Variants in AFG2A observed in about 807,000 individuals in gnomAD.
The protein encoded by AFG2A is ATPase family gene 2 protein homolog A.
the AFG2A span, among the ~76,000 whole-genome samples, chr4:123,221,012 A>G: frequency 1.3e-5 from 2 of 152,090 alleles, no homozygotes; most frequent in Non-Finnish European, 2.9e-5. Context: ...TCTCTGGGAA[A>G]TTTCTTTAGT....
At chr4:123,287,304 G>A in the AFG2A span, among the ~76,000 whole-genome samples, 4 of 152,082 alleles carry the variant, frequency 2.6e-5, no homozygotes, top group South Asian at 4.2e-4. Flanking sequence ...TTTGTGGAAG[G>A]CTGGCCAAGA....
the AFG2A span, among the ~76,000 whole-genome samples, chr4:123,287,229 G>A: frequency 6.6e-6 from 1 of 152,156 alleles, no homozygotes; most frequent in Admixed American, 6.5e-5. Context: ...ATTCCACTTA[G>A]TTATAATCTT....
the AFG2A span, among the ~76,000 whole-genome samples, chr4:122,963,833 T>G: frequency 1.3e-5 from 2 of 152,162 alleles, no homozygotes; most frequent in Non-Finnish European, 2.9e-5. Context: ...ATATTTAGAG[T>G]TTTTATGCTT....
chr4:123,238,976 G>A, the AFG2A span, among the ~76,000 whole-genome samples: 1 of 152,158 alleles, frequency 6.6e-6, no homozygotes, highest in Non-Finnish European at 1.5e-5. Context: ...AATAAACAGT[G>A]TAGAGAAGAC....
At chr4:123,006,947 T>TTC in the AFG2A span, among the ~76,000 whole-genome samples, 1 of 151,632 alleles carries the variant, frequency 6.6e-6, no homozygotes, top group African/African-American at 2.4e-5. Flanking sequence ...TCTTTTTTTT[T>TTC]CTTTCTTCTC....
chr4:122,982,712 G>T, the AFG2A span, among the ~76,000 whole-genome samples: 1 of 151,852 alleles, frequency 6.6e-6, no homozygotes, highest in Non-Finnish European at 1.5e-5. Flanking sequence ...TTTTTGGTAG[G>T]TTGTATGTTT....
chr4:123,006,658 A>G, the AFG2A span, among the ~76,000 whole-genome samples: 2 of 152,066 alleles, frequency 1.3e-5, no homozygotes, highest in African/African-American at 2.4e-5. Context: ...GTGCCTTTTA[A>G]TATTGTGGAC....
the AFG2A span, among the ~76,000 whole-genome samples, chr4:123,307,655 G>A: frequency 6.6e-6 from 1 of 152,082 alleles, no homozygotes; most frequent in Non-Finnish European, 1.5e-5. Context: ...TCTTTTTTTA[G>A]CAAAGATTCC....
At chr4:123,075,234 A>G in the AFG2A span, among the ~76,000 whole-genome samples, 1 of 152,160 alleles carries the variant, frequency 6.6e-6, no homozygotes, top group Non-Finnish European at 1.5e-5. Context: ...ATGAGCCACC[A>G]CGCCCAGCCT....
chr4:123,127,092 C>A, the AFG2A span, among the ~76,000 whole-genome samples: 1 of 152,018 alleles, frequency 6.6e-6, no homozygotes, highest in Non-Finnish European at 1.5e-5. Context: ...CCTGGCTACT[C>A]AGGAGGTTGA....
chr4:123,267,079 A>T, the AFG2A span, among the ~76,000 whole-genome samples: 1 of 152,086 alleles, frequency 6.6e-6, no homozygotes, highest in African/African-American at 2.4e-5. Flanking sequence ...TCCCCAAATG[A>T]CCATAATTCT....
the AFG2A span, among the ~76,000 whole-genome samples, chr4:123,128,705 C>T: frequency 1.3e-5 from 2 of 151,694 alleles, no homozygotes; most frequent in Non-Finnish European, 2.9e-5. Flanking sequence ...TGTTTCTGTT[C>T]AGTGACTGAA....
the AFG2A span, among the ~76,000 whole-genome samples, chr4:123,048,409 A>G: frequency 2.6e-5 from 4 of 152,242 alleles, 1 homozygote; most frequent in South Asian, 8.3e-4. Flanking sequence ...TGCCCTTGGT[A>G]TTTTGATAGG....
At chr4:122,989,578 G>A in the AFG2A span, among the ~76,000 whole-genome samples, 3 of 152,092 alleles carry the variant, frequency 2.0e-5, no homozygotes, top group African/African-American at 7.2e-5. Flanking sequence ...ACCAGCCTGG[G>A]TCTACAGTGG....
the AFG2A span, among the ~76,000 whole-genome samples, chr4:123,283,773 T>C: frequency 6.6e-6 from 1 of 152,202 alleles, no homozygotes; most frequent in Non-Finnish European, 1.5e-5. Context: ...CACTCATTCA[T>C]TTACGTATTG....
At chr4:123,250,959 C>T in the AFG2A span, among the ~76,000 whole-genome samples, 1 of 152,142 alleles carries the variant, frequency 6.6e-6, no homozygotes, top group African/African-American at 2.4e-5. Flanking sequence ...AAGGCTCTTT[C>T]CTACTATTTT....
At chr4:123,132,596 A>ACATATATATATATATATATATATGTG in the AFG2A span, among the ~76,000 whole-genome samples, 1 of 103,892 alleles carries the variant, frequency 9.6e-6, no homozygotes, top group African/African-American at 3.9e-5. Flanking sequence ...TGATGTGTGT[A>ACATATATATATATATATATATATGTG]CATATATATA....
At chr4:122,937,249 T>C in the AFG2A span, among the ~76,000 whole-genome samples, 1 of 152,200 alleles carries the variant, frequency 6.6e-6, no homozygotes, top group African/African-American at 2.4e-5. Context: ...TAATACTCAT[T>C]ACAGTGTAAC....
chr4:123,062,902 C>T, the AFG2A span, among the ~76,000 whole-genome samples: 4 of 152,198 alleles, frequency 2.6e-5, no homozygotes, highest in East Asian at 3.9e-4. Context: ...GTTGGCATTT[C>T]GGAAAGCAAA....
Sources: allele counts gnomAD v4.1 joint callset (sites outside exome capture counted in the v4.1 genomes callset), GRCh38; gene constraint gnomAD v4.1.1; transcripts MANE v1.5; gene names NCBI Gene and HGNC (gene_info 2026-07-23, HGNC 2026-07-21).